MMEL1: variants seen among roughly 807,000 people sequenced by gnomAD.
MMEL1 encodes membrane metallo-endopeptidase-like 1.
MMEL1 carries 98 observed loss-of-function variants against 117.1 expected under a neutral mutation model. The observed-to-expected ratio is 0.84, with a 90% CI of 0.71 to 0.99. MMEL1 has a LOEUF of 0.99. Ranked by LOEUF, MMEL1 falls within the 50% of genes least tolerant of loss-of-function variation. The pLI, the probability that MMEL1 is intolerant of heterozygous loss-of-function variation, is 0.00. For synonymous variants in MMEL1, 390 were observed against 415.1 expected, an observed-to-expected ratio of 0.94 and a Z score of 0.74; for missense variants, 1,014 against 1,049.1, an observed-to-expected ratio of 0.97 and a Z score of 0.46.
In MMEL1 at chr1:2,593,816, T is replaced by G. The variant is rs747247609; in HGVS notation, c.1865A>C (p.Asn622Thr). ...GHEITHGFDD[N>T]GRNFDKNGNM... Reference sequence around the variant, plus strand: ...TGATTGGAGGGGCGGCCGCTCACCATTGTCGTCAAAGCCGTGCGTGATCTC... The same window carrying G: ...TGATTGGAGGGGCGGCCGCTCACCAGTGTCGTCAAAGCCGTGCGTGATCTC... Residue 622 changes from asparagine (N) to threonine (T), a missense_variant and splice_region_variant, in exon 19 of 24, where the codon AAT becomes ACT. Physicochemically the swap from Asn to Thr is moderately conservative, Grantham distance 65. Transcript: ENST00000378412. 1.9e-6 allele frequency: 3 copies of G among 1,603,216 alleles called. No homozygotes were observed. The South Asian group carries it at 3.3e-5, about 18-fold the overall frequency.
chr1:2,598,671 G>A lies in MMEL1; in HGVS notation c.1161C>T (p.Ile387=), dbSNP rs368809746. ...GGCCTCACCTGGCTGAGTAGGTGTC[G>A]ATGATGTTTTCAAGGTTCTGCAGGT... ...IPYLQNLENI[I]DTYSARTIQN... is the part of the protein sequence containing the mutation. Residue 387 remains isoleucine, a synonymous_variant, in exon 12 of 24, where the codon ATC becomes ATT. Transcript: ENST00000378412. The A allele has an allele frequency of 1.6e-5, 26 of 1,613,950 alleles. No homozygotes were observed. In the African/African-American group the frequency reaches 2.1e-4, roughly 13 times the overall value.
Position 2,612,356 on chromosome 1 carries a change from CA to C in MMEL1, c.155-153del. The C allele has an allele frequency of 3.1e-6, 2 of 638,956 alleles. No individual in the cohort carries two copies. The highest frequency in any genetic ancestry group is 5.5e-6 in the Non-Finnish European group (2 of 365,266). The allele number at this position is 638,956 out of a possible 1,614,324, so 39.6% of individuals were successfully genotyped here. On this transcript the variant is annotated intron_variant, in intron 2 of 23. Transcript: ENST00000378412. The surrounding 1 kb of genome is among the most constrained non-coding windows in gnomAD (Gnocchi z 5.4). ...AGGGCTGGTCCCCAGGGCAGCGAGACAGGAGATCCACAGAGTTCACTGCAGG... is the reference window on the plus strand; with the variant it reads ...AGGGCTGGTCCCCAGGGCAGCGAGACGGAGATCCACAGAGTTCACTGCAGG...
intron 19 of MMEL1, among the ~76,000 whole-genome samples, chr1:2,593,413 G>C (rs1644776463): frequency 6.6e-6 from 1 of 152,242 alleles, no homozygotes; most frequent in South Asian, 2.1e-4. Context: ...ACCGAGGGGC[G>C]GAGGTCAGCA....
At chr1:2,604,095 G>A (rs1429189927) in intron 10 of MMEL1, 52 bp downstream of exon 10, 6 of 1,573,010 alleles carry the variant, frequency 3.8e-6, no homozygotes, top group Non-Finnish European at 5.2e-6. Flanking sequence ...CACACCGCCT[G>A]GGGCTCCCAG....
At chr1:2,607,445 C>G (rs758453305) in intron 6 of MMEL1, among the ~76,000 whole-genome samples, 3 of 132,080 alleles carry the variant, frequency 2.3e-5, no homozygotes, top group African/African-American at 8.4e-5. Flanking sequence ...GGCCAAGCCT[C>G]GGCGAGGACT....
chr1:2,592,585 ACCCCCTCCCCTGCCGCGCTGACG>A (rs374695686), intron 21 of MMEL1, 47 bp downstream of exon 21: 3,757 of 113,016 alleles, frequency 0.033, 751 homozygotes, highest in Middle Eastern at 0.15. Flanking sequence ...ATGCACTGGC[ACCCCCTCCCCTGCCGCGCTGACG>A]CCCCCTCCCC....
chr1:2,606,448 G>T, intron 7 of MMEL1, 82 bp from the exon 8 acceptor site: 1 of 1,068,980 alleles, frequency 9.4e-7, no homozygotes, highest in Non-Finnish European at 1.4e-6. Flanking sequence ...CTGGCCTCCG[G>T]AGCCAGGAAC....
At chr1:2,608,788 C>T (rs1247227700) in intron 6 of MMEL1, among the ~76,000 whole-genome samples, 2 of 152,098 alleles carry the variant, frequency 1.3e-5, no homozygotes, top group Non-Finnish European at 2.9e-5. Flanking sequence ...TATGTACACA[C>T]CGCATGCATA....
chr1:2,614,938 G>A (rs181567335), intron 2 of MMEL1, among the ~76,000 whole-genome samples: 3 of 151,938 alleles, frequency 2.0e-5, no homozygotes, highest in African/African-American at 7.2e-5. Context: ...CGATAATGGG[G>A]ATACATCAGA....
chr1:2,605,957 C>A (rs1019989091), intron 8 of MMEL1, among the ~76,000 whole-genome samples: 11 of 152,194 alleles, frequency 7.2e-5, no homozygotes, highest in Non-Finnish European at 1.2e-4. Context: ...AGCAGTGGAT[C>A]CCTGAGGTCA....
At chr1:2,605,258 G>A (rs1452732151) in intron 9 of MMEL1, among the ~76,000 whole-genome samples, 1 of 152,188 alleles carries the variant, frequency 6.6e-6, no homozygotes, top group Non-Finnish European at 1.5e-5. Flanking sequence ...CTGGGAATCC[G>A]GTGCTGCAGA....
chr1:2,603,210 G>A (rs1365100504), intron 11 of MMEL1, among the ~76,000 whole-genome samples: 5 of 152,216 alleles, frequency 3.3e-5, no homozygotes, highest in Non-Finnish European at 7.4e-5. Flanking sequence ...CTGGTTGAGG[G>A]GGCAGGGGCT....
intron 8 of MMEL1, among the ~76,000 whole-genome samples, 175 bp from the exon 9 acceptor site, chr1:2,605,798 G>A (rs1252733469): frequency 6.6e-6 from 1 of 151,914 alleles, no homozygotes; most frequent in African/African-American, 2.4e-5. Flanking sequence ...CCCGAGTGAT[G>A]GTGGGGGCGC....
chr1:2,606,887 C>A (rs977530912), intron 7 of MMEL1, 87 bp downstream of exon 7: 104 of 1,230,340 alleles, frequency 8.5e-5, no homozygotes, highest in Admixed American at 7.9e-4. Context: ...GGGGTGGGGT[C>A]CCCTCCTGGA....
intron 11 of MMEL1, among the ~76,000 whole-genome samples, chr1:2,602,446 T>C (rs1644948039): frequency 6.6e-6 from 1 of 152,168 alleles, no homozygotes; most frequent in Non-Finnish European, 1.5e-5. Context: ...CACTTCCATA[T>C]TTAGTCCTTT....
chr1:2,605,401 G>A (rs1405978203), intron 9 of MMEL1, among the ~76,000 whole-genome samples, 157 bp downstream of exon 9: 1 of 152,110 alleles, frequency 6.6e-6, no homozygotes. Context: ...AATAGGTCAC[G>A]TCTGCACCCG....
At position 2,595,524 on chromosome 1, in the gene MMEL1, C is replaced by T. The variant is rs1290020059; in HGVS notation, c.1501-165G>A. Among the ~76,000 whole-genome samples the T allele has an allele frequency of 2.6e-5, 4 of 152,158 alleles. No homozygotes were observed. The highest frequency in any genetic ancestry group is 9.7e-5 in the African/African-American group (4 of 41,424). The stretch of plus-strand genomic sequence containing the variant: ...GCTGGGGGGCTCCGGGATCTGGCCC[C>T]CACCTTGCAGGCTCTGGGGAGGTTT... On this transcript the variant is annotated intron_variant, in intron 15 of 23. Transcript: ENST00000378412. This position sits in a 1 kb window ranked among gnomAD's most constrained non-coding sequence, Gnocchi z 4.8.
chr1:2,607,134 T>G lies in MMEL1; in HGVS notation c.536-65A>C, dbSNP rs371875726. The G allele has an allele frequency of 2.7e-5, 39 of 1,446,966 alleles. No homozygotes were observed. The Middle Eastern group carries it at 5.2e-4, about 19-fold the overall frequency. The allele number at this position is 1,446,966 out of a possible 1,614,324, so 89.6% of individuals were successfully genotyped here. The stretch of plus-strand genomic sequence containing the variant: ...TGGCTCACGTGCCACGACACAGAAC[T>G]GTGGGGGCGCCGTTGGCCGGCGTCA... On this transcript the variant is annotated intron_variant, in intron 6 of 23. Coordinates refer to ENST00000378412, the MANE Select transcript of MMEL1 (RefSeq NM_033467.4).
At chr1:2,619,288 G>A (rs889756486) in intron 2 of MMEL1, among the ~76,000 whole-genome samples, 2 of 152,222 alleles carry the variant, frequency 1.3e-5, no homozygotes, top group Non-Finnish European at 2.9e-5. Flanking sequence ...TTTTATGCCA[G>A]TGAGTGTTGG....
Sources: gnomAD v4.1 joint callset for allele counts (sites outside exome capture counted in the v4.1 genomes callset) on GRCh38, gnomAD v4.1.1 for gene constraint, Gnocchi (gnomAD v3.1) non-coding constraint, MANE v1.5 for transcripts, NCBI Gene and HGNC (gene_info 2026-07-23, HGNC 2026-07-21) for gene names.